UBE2D1: variants seen among roughly 807,000 people sequenced by gnomAD.
UBE2D1 encodes the protein ubiquitin-conjugating enzyme E2 D1.
UBE2D1 carries 9 observed loss-of-function variants against 24.6 expected under a neutral mutation model. The observed-to-expected ratio is 0.37, with a 90% confidence interval of 0.22 to 0.64. The LOEUF (loss-of-function observed/expected upper bound fraction) is 0.64. Ranked by LOEUF, UBE2D1 falls within the 30% of genes least tolerant of loss-of-function variation. The probability of loss-of-function intolerance (pLI) is 0.64; values close to 1 mark genes in which losing one functional copy is unlikely to be tolerated. For synonymous variants in UBE2D1, 57 were observed against 57.6 expected, an observed-to-expected ratio of 0.99 and a Z score of 0.04; for missense variants, 87 against 177.1, an observed-to-expected ratio of 0.49 and a Z score of 2.89.
chr10:58,343,664 A>C (rs567532944), intron 1 of UBE2D1, among the ~76,000 whole-genome samples: 1 of 152,280 alleles, frequency 6.6e-6, no homozygotes, highest in Admixed American at 6.5e-5. Flanking sequence ...TTTGATACAG[A>C]CCGTATGCAT....
Position 58,368,030 on chromosome 10 carries a change from T to A in UBE2D1, c.398+14T>A, listed in dbSNP as rs764899274. 11 of 1,581,238 alleles carry A rather than the reference T, an allele frequency of 7.0e-6. No homozygotes were observed. The highest frequency in any genetic ancestry group is 8.7e-6 in the Non-Finnish European group (10 of 1,152,466). The stretch of plus-strand genomic sequence containing the variant: ...AGACAAAGAAAAGTAAGTGTTTACT[T>A]ATTTTAGTTTCTGTATGGATACATT... On this transcript the variant is annotated intron_variant, in intron 6 of 6. Transcript: ENST00000373910.
intron 1 of UBE2D1, among the ~76,000 whole-genome samples, chr10:58,360,273 A>T (rs1840180739): frequency 6.6e-6 from 1 of 152,144 alleles, no homozygotes; most frequent in Non-Finnish European, 1.5e-5. Context: ...TGATCTTCCA[A>T]ACTAAATTAA....
chr10:58,346,585 G>A (rs911056228), intron 1 of UBE2D1, among the ~76,000 whole-genome samples: 4 of 152,146 alleles, frequency 2.6e-5, no homozygotes, highest in African/African-American at 9.7e-5. Context: ...TGCCGAAAAG[G>A]AAGCCATGTT....
At chr10:58,351,301 T>C (rs897654902) in intron 1 of UBE2D1, among the ~76,000 whole-genome samples, 2 of 152,248 alleles carry the variant, frequency 1.3e-5, no homozygotes, top group Non-Finnish European at 1.5e-5. Flanking sequence ...TTGACTCTTT[T>C]GTAATAGCAC....
At chr10:58,342,571 C>T (rs1428895955) in intron 1 of UBE2D1, among the ~76,000 whole-genome samples, 1 of 152,108 alleles carries the variant, frequency 6.6e-6, no homozygotes, top group Non-Finnish European at 1.5e-5. Context: ...ACCAGGAAAT[C>T]TCTGGCTTGT....
intron 1 of UBE2D1, among the ~76,000 whole-genome samples, chr10:58,345,939 G>C (rs1255766347): frequency 6.6e-6 from 1 of 151,964 alleles, no homozygotes; most frequent in African/African-American, 2.4e-5. Flanking sequence ...GAAGGCCTGT[G>C]CTGAGAAATA....
intron 5 of UBE2D1, among the ~76,000 whole-genome samples, chr10:58,365,286 A>C (rs1440694878): frequency 6.6e-6 from 1 of 152,170 alleles, no homozygotes; most frequent in Non-Finnish European, 1.5e-5. Context: ...TGGGCAACAT[A>C]GGAGACCCCA....
At chr10:58,342,974 C>T (rs1419930289) in intron 1 of UBE2D1, among the ~76,000 whole-genome samples, 15 of 151,704 alleles carry the variant, frequency 9.9e-5, no homozygotes, top group African/African-American at 3.1e-4. Context: ...GGATTACAGG[C>T]GCCCACCACC....
intron 1 of UBE2D1, among the ~76,000 whole-genome samples, chr10:58,353,236 G>A (rs1840096705): frequency 6.6e-6 from 1 of 152,122 alleles, no homozygotes; most frequent in East Asian, 1.9e-4. Context: ...TAGTTGGGAT[G>A]AAAGTATAAA....
chr10:58,368,171 C>T (rs1840277493), intron 6 of UBE2D1, 155 bp downstream of exon 6: 1 of 546,412 alleles, frequency 1.8e-6, no homozygotes, highest in Non-Finnish European at 3.2e-6. Context: ...TCTTTGAGAA[C>T]TCTGTTAGAC....
intron 5 of UBE2D1, among the ~76,000 whole-genome samples, chr10:58,366,206 C>G (rs1840253575): frequency 6.6e-6 from 1 of 152,148 alleles, no homozygotes; most frequent in African/African-American, 2.4e-5. Context: ...TGGCAAACTG[C>G]CAGATATTGA....
chr10:58,367,753 T>C (rs560758951), intron 5 of UBE2D1, among the ~76,000 whole-genome samples, 170 bp from the exon 6 acceptor site: 2 of 152,284 alleles, frequency 1.3e-5, no homozygotes, highest in South Asian at 2.1e-4. Context: ...CTTTAAAAAT[T>C]AAAGATCAAT....
At chr10:58,363,789 G>GT in intron 4 of UBE2D1, 103 bp downstream of exon 4, 1 of 764,870 alleles carries the variant, frequency 1.3e-6, no homozygotes. Flanking sequence ...GTCAAAGACT[G>GT]TGGGGAGGTT....
chr10:58,354,395 C>T (rs1840108840), intron 1 of UBE2D1, among the ~76,000 whole-genome samples: 1 of 150,442 alleles, frequency 6.6e-6, no homozygotes, highest in African/African-American at 2.4e-5. Flanking sequence ...GTTATACCTG[C>T]AGTTCTTAAA....
At chr10:58,346,434 G>A (rs1350741198) in intron 1 of UBE2D1, among the ~76,000 whole-genome samples, 1 of 152,174 alleles carries the variant, frequency 6.6e-6, no homozygotes, top group Non-Finnish European at 1.5e-5. Flanking sequence ...TAGGAATATA[G>A]CAGGGACCCA....
intron 1 of UBE2D1, among the ~76,000 whole-genome samples, chr10:58,357,532 C>T (rs1379264128): frequency 6.6e-6 from 1 of 152,088 alleles, no homozygotes; most frequent in African/African-American, 2.4e-5. Flanking sequence ...TATATTTTCA[C>T]CTCATTAACA....
Position 58,344,638 on chromosome 10 carries a change from C to G in UBE2D1, c.24+9413C>G, listed in dbSNP as rs776246763. Among the ~76,000 whole-genome samples, 91 of 152,120 alleles carry G rather than the reference C, an allele frequency of 6.0e-4. 1 individual carries two copies. Among genetic ancestry groups the G allele is most frequent in the Non-Finnish European group, 2.9e-4 (20 of 68,008 alleles). On this transcript the variant is annotated intron_variant, in intron 1 of 6. Transcript: ENST00000373910. The stretch of plus-strand genomic sequence containing the variant: ...ATATCAGATTTGAAATAAATGTTGA[C>G]ATCTCTTAATGTATAAGGTCAATAA...
intron 1 of UBE2D1, among the ~76,000 whole-genome samples, chr10:58,336,077 C>T (rs949376451): frequency 6.6e-6 from 1 of 152,176 alleles, no homozygotes; most frequent in African/African-American, 2.4e-5. Flanking sequence ...CATCTCAACC[C>T]TGTGTATGGA....
Position 58,359,616 on chromosome 10 carries a change from G to C in UBE2D1, c.25-1722G>C, listed in dbSNP as rs909924390. On this transcript the variant is annotated intron_variant, in intron 1 of 6. Transcript: ENST00000373910. Reference sequence around the variant, plus strand: ...ATCTCAGTGAATGGCATCCACATTCGTACATTTGTGGAACTAAAACATGAG... The same window carrying C: ...ATCTCAGTGAATGGCATCCACATTCCTACATTTGTGGAACTAAAACATGAG... 2.0e-5 allele frequency among the ~76,000 whole-genome samples: 3 copies of C among 152,102 alleles called. No individual in the cohort carries two copies. In the South Asian group the frequency reaches 6.2e-4, roughly 32 times the overall value.
Sources: allele counts gnomAD v4.1 joint callset (sites outside exome capture counted in the v4.1 genomes callset), GRCh38; gene constraint gnomAD v4.1.1; transcripts MANE v1.5; gene names NCBI Gene and HGNC (gene_info 2026-07-23, HGNC 2026-07-21).